Variants in CERKL observed in about 807,000 individuals in gnomAD.
CERKL encodes ceramide kinase-like protein.
A neutral mutation model predicts 63.4 loss-of-function variants in CERKL; 61 were observed. That is an observed-to-expected ratio of 0.96 (90% confidence interval 0.78 to 1.19). CERKL has a LOEUF of 1.19. CERKL is among the 50% of genes most tolerant of loss of function. The pLI is 0.00. For missense variants in CERKL, 675 were observed against 655.5 expected, an observed-to-expected ratio of 1.03 and a Z score of -0.33; for synonymous variants, 250 against 230.5, an observed-to-expected ratio of 1.08 and a Z score of -0.77.
intron 5 of CERKL, among the ~76,000 whole-genome samples, chr2:181,552,873 ATAT>A (rs5836797): frequency 0.39 from 59,215 of 151,748 alleles, 12,330 homozygotes; most frequent in African/African-American, 0.53. Context: ...AGTAAAAAAT[ATAT>A]TATTTTTAAA....
intron 2 of CERKL, among the ~76,000 whole-genome samples, chr2:181,595,384 T>C (rs1289875781): frequency 6.6e-6 from 1 of 152,036 alleles, no homozygotes; most frequent in Non-Finnish European, 1.5e-5. Flanking sequence ...CTTCAAGAGT[T>C]TGGAGTTCTG....
chr2:181,654,160 TA>T lies in CERKL; in HGVS notation c.238+2608del, dbSNP rs553111069. The stretch of plus-strand genomic sequence containing the variant: ...CACACATTTAAAATATTTCTCTACT[TA>T]AAAAAAAAAAAAATCCCCAAAAAGC... On this transcript the variant is annotated intron_variant, in intron 1 of 12. Coordinates refer to ENST00000410087, the MANE Select transcript of CERKL (RefSeq NM_201548.5). Among the ~76,000 whole-genome samples, 804 of 142,962 alleles carry T rather than the reference TA, an allele frequency of 5.6e-3. 2 individuals are homozygous for T. Among genetic ancestry groups the T allele is most frequent in the African/African-American group, 0.012 (464 of 39,166 alleles). The allele number at this position is 142,962 out of a possible 152,430, so 93.8% of individuals were successfully genotyped here.
chr2:181,621,870 GAC>G (rs1404510690), intron 1 of CERKL, among the ~76,000 whole-genome samples: 6 of 152,096 alleles, frequency 3.9e-5, no homozygotes, highest in African/African-American at 1.4e-4. Context: ...AATACGATGT[GAC>G]ACAACTGCAT....
At chr2:181,632,340 T>C (rs747287689) in intron 1 of CERKL, among the ~76,000 whole-genome samples, 17 of 152,206 alleles carry the variant, frequency 1.1e-4, no homozygotes, top group Non-Finnish European at 2.2e-4. Flanking sequence ...TTTGTTTTAA[T>C]TATAAAGAGT....
chr2:181,582,347 A>G (rs1049592029), intron 2 of CERKL, among the ~76,000 whole-genome samples: 6 of 152,086 alleles, frequency 3.9e-5, no homozygotes, highest in African/African-American at 1.4e-4. Flanking sequence ...ATGAGGCTGC[A>G]TATGTGTGGT....
chr2:181,619,088 T>C (rs1040246147), intron 1 of CERKL, among the ~76,000 whole-genome samples: 19 of 143,250 alleles, frequency 1.3e-4, no homozygotes, highest in Non-Finnish European at 2.5e-4. Flanking sequence ...CATCATGCAA[T>C]GTGATTGGCT....
At chr2:181,633,197 T>C (rs1019195131) in intron 1 of CERKL, among the ~76,000 whole-genome samples, 4 of 152,162 alleles carry the variant, frequency 2.6e-5, no homozygotes, top group African/African-American at 9.6e-5. Flanking sequence ...CTAATGCAAC[T>C]GGCAAGGGCC....
At chr2:181,640,246 C>T (rs920787353) in intron 1 of CERKL, among the ~76,000 whole-genome samples, 2 of 152,218 alleles carry the variant, frequency 1.3e-5, no homozygotes, top group African/African-American at 2.4e-5. Flanking sequence ...TGTGTTTCTC[C>T]TCCTAGCTTA....
chr2:181,564,516 T>C (rs1162827184), intron 4 of CERKL, among the ~76,000 whole-genome samples: 1 of 152,152 alleles, frequency 6.6e-6, no homozygotes, highest in Non-Finnish European at 1.5e-5. Context: ...AAGGATTAAA[T>C]ATGTTCAGGT....
intron 4 of CERKL, chr2:181,565,337 GAATAT>G: frequency 1.2e-6 from 1 of 842,332 alleles, no homozygotes. Flanking sequence ...TTCCCTAAAG[GAATAT>G]AATATGTTTT....
rs776211842 is a variant in CERKL at position 181,547,836 on chromosome 2, C to A, written c.1145G>T (p.Gly382Val). 3.7e-6 allele frequency: 6 copies of A among 1,613,742 alleles called. No individual in the cohort carries two copies. The highest frequency in any genetic ancestry group is 4.2e-6 in the Non-Finnish European group (5 of 1,179,994). ...TTTCGACTCACCAGATTTGGGAGAT[C>A]CCTGTGCCCTCCTAAAAGAAAGAAA... ...SDDVQERRAQ[G>V]SPKSDCNDQW... Residue 382 changes from glycine (G) to valine (V), a missense_variant, in exon 9 of 13, where the codon GGA becomes GTA. Physicochemically the swap from Gly to Val is moderately radical, Grantham distance 109 (BLOSUM62 -3). Transcript: ENST00000410087.
chr2:181,617,644 T>C (rs1686255820), intron 1 of CERKL, among the ~76,000 whole-genome samples: 1 of 152,168 alleles, frequency 6.6e-6, no homozygotes, highest in African/African-American at 2.4e-5. Flanking sequence ...TTAGAAACTG[T>C]ATAATAGTAA....
chr2:181,603,729 G>A (rs776934724), intron 2 of CERKL, 108 bp downstream of exon 2: 17 of 1,120,006 alleles, frequency 1.5e-5, no homozygotes, highest in South Asian at 5.0e-5. Flanking sequence ...GGAACAGAAG[G>A]AAACTATCTC....
In CERKL at chr2:181,657,099, C is replaced by T; in HGVS notation, c.-93G>A. 8.3e-7 allele frequency: 1 copy of T among 1,207,706 alleles called. No individual in the cohort carries two copies. Among genetic ancestry groups the T allele is most frequent in the Non-Finnish European group, 1.2e-6 (1 of 840,082 alleles). The allele number at this position is 1,207,706 out of a possible 1,614,324, so 74.8% of individuals were successfully genotyped here. A position where few individuals can be genotyped will look rare whatever the true frequency, so the allele number is the denominator to read the frequency against. ...CGGCAGCCCCAGCTCTAGCCGCGTCCAGCGCTGCCACAGCAACGGCGCGCA... is the reference window on the plus strand; with the variant it reads ...CGGCAGCCCCAGCTCTAGCCGCGTCTAGCGCTGCCACAGCAACGGCGCGCA... On this transcript the variant is annotated 5_prime_UTR_variant, in exon 1 of 13. Coordinates refer to ENST00000410087, the MANE Select transcript of CERKL (RefSeq NM_201548.5).
intron 2 of CERKL, among the ~76,000 whole-genome samples, chr2:181,596,981 T>A (rs1233645541): frequency 6.6e-6 from 1 of 152,190 alleles, no homozygotes; most frequent in Non-Finnish European, 1.5e-5. Context: ...CTATTTATAT[T>A]TTCAATTTCT....
chr2:181,579,755 T>C (rs1038925105), intron 2 of CERKL, among the ~76,000 whole-genome samples: 3 of 151,966 alleles, frequency 2.0e-5, no homozygotes, highest in Non-Finnish European at 4.4e-5. Flanking sequence ...CTGAAGTTCA[T>C]TTTGATAAAA....
At chr2:181,645,401 T>C (rs1422948205) in intron 1 of CERKL, among the ~76,000 whole-genome samples, 3 of 152,240 alleles carry the variant, frequency 2.0e-5, no homozygotes, top group African/African-American at 7.2e-5. Flanking sequence ...AAAAAACATA[T>C]TCTGAATATC....
chr2:181,550,558 A>C lies in CERKL; in HGVS notation c.821-850T>G, dbSNP rs1264624114. 6.6e-6 allele frequency among the ~76,000 whole-genome samples: 1 copy of C among 152,184 alleles called. No individual in the cohort carries two copies. Among genetic ancestry groups the C allele is most frequent in the Non-Finnish European group, 1.5e-5 (1 of 68,022 alleles). On this transcript the variant is annotated intron_variant, in intron 5 of 12. Transcript: ENST00000410087. This position sits in a 1 kb window ranked among gnomAD's most constrained non-coding sequence, Gnocchi z 4.5. ...AATTTTTCTTGAATTAAAGAATATA[A>C]TAAGTAAGTCCAATAATAGCCAAGA...
chr2:181,555,865 G>A (rs1045770278), intron 5 of CERKL, among the ~76,000 whole-genome samples: 2 of 147,864 alleles, frequency 1.4e-5, no homozygotes, highest in Admixed American at 1.4e-4. Context: ...TTATTCTTCT[G>A]CCCCAGCTTC....
Sources: allele counts gnomAD v4.1 joint callset (sites outside exome capture counted in the v4.1 genomes callset), GRCh38; gene constraint gnomAD v4.1.1; non-coding constraint Gnocchi (gnomAD v3.1); transcripts MANE v1.5; gene names NCBI Gene and HGNC (gene_info 2026-07-23, HGNC 2026-07-21).